Variants in FBXO34 observed in about 807,000 individuals in gnomAD.
FBXO34 encodes the protein F-box only protein 34.
A neutral mutation model predicts 24.5 loss-of-function variants in FBXO34; 12 were observed. The observed-to-expected ratio is 0.49, with a 90% CI of 0.31 to 0.79. The LOEUF is 0.79. FBXO34 is among the 30% of genes least tolerant of loss of function. The probability of loss-of-function intolerance (pLI) is 0.04; values close to 1 mark genes in which losing one functional copy is unlikely to be tolerated. For missense variants in FBXO34, 823 were observed against 857.7 expected (o/e 0.96, Z 0.51); for synonymous variants, 320 against 311.9 (o/e 1.03, Z -0.27).
intron 1 of FBXO34, among the ~76,000 whole-genome samples, chr14:55,335,604 C>T (rs1358153416): frequency 6.6e-6 from 1 of 152,210 alleles, no homozygotes; most frequent in African/African-American, 2.4e-5. Context: ...CTGTTTGTTA[C>T]ATGAGTGTGC....
At chr14:55,369,905 C>T (rs761765075), downstream of FBXO34, 13 of 1,611,678 alleles carry the variant, frequency 8.1e-6, no homozygotes, top group African/African-American at 1.3e-5. Context: ...AAGGTCTGCT[C>T]GTACTTCAAA....
chr14:55,361,930 T>C (rs1884600101), downstream of FBXO34: 1 of 152,270 alleles, frequency 6.6e-6, no homozygotes, highest in Admixed American at 6.5e-5. Context: ...GAGGCTGTTT[T>C]GCTTTTTAAA....
chr14:55,366,313 G>C (rs1393398626), downstream of FBXO34: 3 of 152,514 alleles, frequency 2.0e-5, no homozygotes, highest in East Asian at 5.8e-4. Flanking sequence ...AAGTACTCCA[G>C]GGTTCAATCT....
At chr14:55,324,461 C>T (rs541096879) in intron 1 of FBXO34, among the ~76,000 whole-genome samples, 8 of 149,550 alleles carry the variant, frequency 5.3e-5, no homozygotes, top group South Asian at 4.2e-4. Context: ...ATTGCTGGGT[C>T]GTGTGGCAGT....
chr14:55,359,846 A>G (rs1411945568), intron 3 of FBXO34, among the ~76,000 whole-genome samples: 1 of 151,288 alleles, frequency 6.6e-6, no homozygotes, highest in African/African-American at 2.4e-5. Flanking sequence ...TTGGGAGGCC[A>G]CGGTGGGAGG....
chr14:55,282,412 G>T, intron 1 of FBXO34: 2 of 317,704 alleles, frequency 6.3e-6, no homozygotes, highest in South Asian at 6.1e-5. Flanking sequence ...ATTGGACCAC[G>T]ATAGGCCCTG....
intron 1 of FBXO34, among the ~76,000 whole-genome samples, chr14:55,301,121 A>G (rs1335072302): frequency 6.6e-6 from 1 of 152,198 alleles, no homozygotes; most frequent in South Asian, 2.1e-4. Context: ...AAGAAAAATC[A>G]GCTCTGTAGG....
chr14:55,440,211 CTGTT>C, the FBXO34 span, among the ~76,000 whole-genome samples: 1 of 152,194 alleles, frequency 6.6e-6, no homozygotes, highest in East Asian at 1.9e-4. Flanking sequence ...AGTTCGAGCT[CTGTT>C]TGGCAACCTT....
At chr14:55,322,338 G>GCAA (rs139690267) in intron 1 of FBXO34, among the ~76,000 whole-genome samples, 20 of 149,640 alleles carry the variant, frequency 1.3e-4, no homozygotes, top group African/African-American at 3.7e-4. Context: ...ATACAAACAA[G>GCAA]CAACAACAAC....
rs1298934359 is a variant in FBXO34 at position 55,331,811 on chromosome 14, T to TATATAC, written c.-10-18567_-10-18566insTACATA. Among the ~76,000 whole-genome samples the TATATAC allele has an allele frequency of 4.4e-5, 3 of 68,476 alleles. 1 individual carries two copies. Among genetic ancestry groups the TATATAC allele is most frequent in the African/African-American group, 6.3e-5 (1 of 15,780 alleles). 44.9% of individuals were successfully genotyped at this position (68,476 alleles called of 152,430 possible). A position where few individuals can be genotyped will look rare whatever the true frequency, so the allele number is the denominator to read the frequency against. ...TGGTGTATATATAAATATATATATA[T>TATATAC]ATACACCACCGGGGTGTATATATAA... On this transcript the variant is annotated intron_variant, in intron 1 of 1. Transcript: ENST00000313833.
chr14:55,352,534 G>T lies in FBXO34; in HGVS notation c.*8G>T. The T allele has an allele frequency of 1.3e-6, 2 of 1,580,980 alleles. No homozygotes were observed. The highest frequency in any genetic ancestry group is 1.7e-6 in the Non-Finnish European group (2 of 1,165,028). Reference sequence around the variant, plus strand: ...GCTGAAGAGGAATACTAAAGTCCATGTGAGAGGCAACAAAAGGACCGGTTT... The same window carrying T: ...GCTGAAGAGGAATACTAAAGTCCATTTGAGAGGCAACAAAAGGACCGGTTT... On this transcript the variant is annotated 3_prime_UTR_variant, in exon 2 of 2. Transcript: ENST00000313833.
At chr14:55,357,874 A>G (rs1884544147), downstream of FBXO34, among the ~76,000 whole-genome samples, 1 of 152,214 alleles carries the variant, frequency 6.6e-6, no homozygotes. Flanking sequence ...TAAAAAATCA[A>G]TTAGTTGCCA....
the FBXO34 span, among the ~76,000 whole-genome samples, chr14:55,426,778 T>C: frequency 5.3e-5 from 8 of 151,992 alleles, no homozygotes; most frequent in African/African-American, 7.3e-5. Context: ...AGGAGGAAGA[T>C]AGAACAGGGA....
chr14:55,410,664 T>C, the FBXO34 span, among the ~76,000 whole-genome samples: 5 of 152,232 alleles, frequency 3.3e-5, no homozygotes, highest in African/African-American at 1.2e-4. Context: ...GCTGTCTGAA[T>C]TTTAATTCTT....
intron 1 of FBXO34, among the ~76,000 whole-genome samples, chr14:55,275,019 A>C (rs1174932026): frequency 1.3e-5 from 2 of 152,260 alleles, no homozygotes; most frequent in Non-Finnish European, 2.9e-5. Context: ...GGTCATCTGG[A>C]AATTGAATTC....
chr14:55,375,517 T>TTA, the FBXO34 span, among the ~76,000 whole-genome samples: 4 of 142,994 alleles, frequency 2.8e-5, no homozygotes, highest in Non-Finnish European at 4.6e-5. Flanking sequence ...TTTTTTTTTT[T>TTA]ACTTTTTGTA....
At chr14:55,302,344 G>C (rs1882385982) in intron 1 of FBXO34, among the ~76,000 whole-genome samples, 2 of 151,994 alleles carry the variant, frequency 1.3e-5, no homozygotes, top group African/African-American at 4.8e-5. Flanking sequence ...TCATCTGTTA[G>C]TTTACCTCGC....
At chr14:55,298,597 CGCCGGAGCCCA>C (rs1555336005) in intron 1 of FBXO34, 2 of 954,768 alleles carry the variant, frequency 2.1e-6, no homozygotes, top group African/African-American at 1.6e-5. Context: ...GGAGGGCGGG[CGCCGGAGCCCA>C]GCCGGAGCGG....
the FBXO34 span, among the ~76,000 whole-genome samples, chr14:55,386,414 T>A: frequency 6.6e-6 from 1 of 152,174 alleles, no homozygotes; most frequent in Non-Finnish European, 1.5e-5. Context: ...CACCAAAGAA[T>A]AGTCACATTG....
Sources: allele counts gnomAD v4.1 joint callset (sites outside exome capture counted in the v4.1 genomes callset), GRCh38; gene constraint gnomAD v4.1.1; transcripts MANE v1.5; gene names NCBI Gene and HGNC (gene_info 2026-07-23, HGNC 2026-07-21).